FHDC1: variants seen among roughly 807,000 people sequenced by gnomAD.
FHDC1 encodes the protein FH2 domain-containing protein 1.
In FHDC1, 25 loss-of-function variants were observed where a neutral mutation model predicts 52.6. That is an observed-to-expected ratio of 0.48 (90% CI 0.35 to 0.66). FHDC1 has a LOEUF of 0.66. FHDC1 is among the 30% of genes least tolerant of loss of function. The pLI is 0.01. For missense variants in FHDC1, 1,459 were observed against 1,452.8 expected (o/e 1.00, Z -0.07); for synonymous variants, 616 against 581.5 (o/e 1.06, Z -0.85).
chr4:152,976,682 C>G lies in FHDC1; in HGVS notation c.3391C>G (p.Arg1131Gly). The G allele has an allele frequency of 1.3e-6, 2 of 1,540,400 alleles. No homozygotes were observed. Among genetic ancestry groups the G allele is most frequent in the Non-Finnish European group, 8.7e-7 (1 of 1,144,042 alleles). The change falls in exon 12 of 12, where the codon CGG (arginine) becomes GGG (glycine). Residue 1131 changes from arginine to glycine, a missense_variant. Physicochemically the swap from Arg to Gly is moderately radical, Grantham distance 125 (BLOSUM62 -2). Around this residue, in one of 3 missense-constraint regions of FHDC1, gnomAD observed 939 missense variants for 854.5 expected, o/e 1.10. Coordinates refer to ENST00000511601, the MANE Select transcript of FHDC1 (RefSeq NM_001371116.1). Reference protein sequence around the residue: ...RASLRRKDSSRTTLGRILNPL... With the variant: ...RASLRRKDSSGTTLGRILNPL... ...CTCCCTCCGTCGGAAGGACTCCAGT[C>G]GGACCACGCTGGGGAGAATCCTCAA...
rs1282875202 is a variant in FHDC1, at chr4:152,949,106, TAATAATAATAATAATAATAAG to T, written c.499-4390_499-4370del. Among the ~76,000 whole-genome samples, 593 of 69,672 alleles carry T rather than the reference TAATAATAATAATAATAATAAG, an allele frequency of 8.5e-3. 6 individuals are homozygous for T. The highest frequency in any genetic ancestry group is 0.075 in the Admixed American group (426 of 5,662). The allele number at this position is 69,672 out of a possible 152,430, so 45.7% of individuals were successfully genotyped here. On this transcript the variant is annotated intron_variant, in intron 2 of 11. Coordinates refer to ENST00000511601, the MANE Select transcript of FHDC1 (RefSeq NM_001371116.1). ...CTTGTCTCAGTAATAATAATAATAA[TAATAATAATAATAATAATAAG>T]AAGAAGAAGAAGAAGAAGAAGAAGA...
At chr4:152,968,148 C>A in intron 10 of FHDC1, 51 bp downstream of exon 10, 1 of 1,349,656 alleles carries the variant, frequency 7.4e-7, no homozygotes, top group South Asian at 1.3e-5. Context: ...CCAGCAGCAC[C>A]CCGGGGCTGG....
chr4:152,937,122 C>A (rs1027622613), intron 1 of FHDC1, among the ~76,000 whole-genome samples: 3 of 152,226 alleles, frequency 2.0e-5, no homozygotes, highest in African/African-American at 7.2e-5. Flanking sequence ...GGGTTCTGAC[C>A]GGTTTCAAAC....
chr4:152,960,884 T>A, intron 6 of FHDC1, 40 bp downstream of exon 6: 1 of 1,440,508 alleles, frequency 6.9e-7, no homozygotes, highest in Non-Finnish European at 9.4e-7. Flanking sequence ...TTGTTTTTAT[T>A]AATTTCGATA....
chr4:152,956,110 A>G (rs1740076464), intron 4 of FHDC1, among the ~76,000 whole-genome samples: 1 of 152,246 alleles, frequency 6.6e-6, no homozygotes, highest in African/African-American at 2.4e-5. Flanking sequence ...ACAGTCCTTA[A>G]TCTTTTCTGT....
chr4:152,946,744 T>C (rs1337239400), intron 2 of FHDC1, among the ~76,000 whole-genome samples: 1 of 152,244 alleles, frequency 6.6e-6, no homozygotes, highest in Admixed American at 6.5e-5. Flanking sequence ...GCACAGATTA[T>C]GACCCTTGAA....
chr4:152,966,851 G>T (rs1432551362), intron 9 of FHDC1, among the ~76,000 whole-genome samples: 2 of 152,174 alleles, frequency 1.3e-5, no homozygotes, highest in Non-Finnish European at 2.9e-5. Context: ...TGGCTGTGGT[G>T]GCTCATGCCT....
chr4:152,957,919 CA>C (rs369049053), intron 4 of FHDC1, among the ~76,000 whole-genome samples: 1 of 140,980 alleles, frequency 7.1e-6, no homozygotes, highest in Admixed American at 6.7e-5. Flanking sequence ...AGCCAGGGAA[CA>C]CCCCCACCAC....
intron 9 of FHDC1, among the ~76,000 whole-genome samples, chr4:152,966,592 T>G (rs1740463231): frequency 6.6e-6 from 1 of 152,152 alleles, no homozygotes; most frequent in Non-Finnish European, 1.5e-5. Context: ...CCCAAGTAGC[T>G]GGGACTACAG....
intron 2 of FHDC1, among the ~76,000 whole-genome samples, chr4:152,950,883 C>G (rs925964226): frequency 2.6e-5 from 4 of 152,248 alleles, no homozygotes; most frequent in Non-Finnish European, 5.9e-5. Flanking sequence ...ACCAGGCTAA[C>G]CTATCAGTTC....
chr4:152,975,949 A>G lies in FHDC1; in HGVS notation c.2658A>G (p.Ala886=), dbSNP rs1740859179. Residue 886 remains alanine (A), a synonymous_variant, in exon 12 of 12, where the codon GCA becomes GCG. Transcript: ENST00000511601. ...GGAGCGCCCGGCGGAGCCAGGGGGC[A>G]GTGGCCAAGTCTGTGCGGACCCTGA... ...KPGSARRSQG[A]VAKSVRTLTA... 1 of 1,514,688 alleles carries G rather than the reference A, an allele frequency of 6.6e-7. No homozygotes were observed. Among genetic ancestry groups the G allele is most frequent in the South Asian group, 1.4e-5 (1 of 73,736 alleles). The allele number at this position is 1,514,688 out of a possible 1,614,324, so 93.8% of individuals were successfully genotyped here. A position where few individuals can be genotyped will look rare whatever the true frequency, so the allele number is the denominator to read the frequency against.
the FHDC1 span, among the ~76,000 whole-genome samples, chr4:152,929,882 T>C: frequency 6.6e-6 from 1 of 152,224 alleles, no homozygotes; most frequent in African/African-American, 2.4e-5. This position sits in a 1 kb window ranked among gnomAD's most constrained non-coding sequence, Gnocchi z 4.1. Flanking sequence ...TGTGGACATC[T>C]AGTATTTTCT....
chr4:152,942,853 A>T (rs991229747), intron 1 of FHDC1, 75 bp from the exon 2 acceptor site: 1 of 575,120 alleles, frequency 1.7e-6, no homozygotes, highest in African/African-American at 1.9e-5. Flanking sequence ...GAGGATTGAT[A>T]CTAGCCTCTG....
At chr4:152,945,498 C>T (rs981538738) in intron 2 of FHDC1, among the ~76,000 whole-genome samples, 1 of 151,982 alleles carries the variant, frequency 6.6e-6, no homozygotes, top group Non-Finnish European at 1.5e-5. Context: ...ATTCTGTCAC[C>T]CAGGCTGGAG....
chr4:152,960,898 G>T (rs1247324275), intron 6 of FHDC1, 54 bp downstream of exon 6: 4 of 1,359,454 alleles, frequency 2.9e-6, no homozygotes, highest in Non-Finnish European at 3.0e-6. Flanking sequence ...TTCGATAGCA[G>T]TTTTTTAAAA....
chr4:152,961,997 T>C (rs1390629028), intron 6 of FHDC1, among the ~76,000 whole-genome samples: 2 of 152,222 alleles, frequency 1.3e-5, no homozygotes, highest in Non-Finnish European at 2.9e-5. Context: ...TAGGCAGTGA[T>C]CCAACTGTAA....
chr4:152,970,500 C>A (rs1269613329), intron 10 of FHDC1, among the ~76,000 whole-genome samples: 1 of 152,206 alleles, frequency 6.6e-6, no homozygotes, highest in African/African-American at 2.4e-5. Flanking sequence ...CTCTGTCAAT[C>A]CCCACAGGAT....
At chr4:152,951,034 C>T (rs1175375653) in intron 2 of FHDC1, among the ~76,000 whole-genome samples, 1 of 152,114 alleles carries the variant, frequency 6.6e-6, no homozygotes, top group Non-Finnish European at 1.5e-5. Context: ...AAGAGAGTCC[C>T]AGAGGGTTGA....
chr4:152,958,082 G>A (rs1174253272), intron 4 of FHDC1, among the ~76,000 whole-genome samples: 1 of 152,154 alleles, frequency 6.6e-6, no homozygotes, highest in Non-Finnish European at 1.5e-5. Flanking sequence ...GGGAATGACA[G>A]GAAGCCCATG....
Sources: gnomAD v4.1 joint callset for allele counts (sites outside exome capture counted in the v4.1 genomes callset) on GRCh38, gnomAD v4.1.1 for gene constraint, gnomAD v4.1.1 regional missense constraint, Gnocchi (gnomAD v3.1) non-coding constraint, MANE v1.5 for transcripts, NCBI Gene and HGNC (gene_info 2026-07-23, HGNC 2026-07-21) for gene names.